The following CRPPA variants were observed in gnomAD, a reference collection of about 807,000 sequenced individuals.
The protein encoded by CRPPA is D-ribitol-5-phosphate cytidylyltransferase.
Under a neutral mutation model 52.0 loss-of-function variants are expected in CRPPA, and 43 were observed. The observed-to-expected ratio is 0.83, with a 90% CI of 0.65 to 1.07. CRPPA has a LOEUF of 1.07. CRPPA is among the 50% of genes least tolerant of loss of function. The pLI is 0.00. For missense variants in CRPPA, 629 were observed against 551.7 expected, an observed-to-expected ratio of 1.14 and a Z score of -1.40; for synonymous variants, 250 against 203.5, an observed-to-expected ratio of 1.23 and a Z score of -1.94.
At chr7:16,252,568 T>G (rs1783489083) in intron 8 of CRPPA, among the ~76,000 whole-genome samples, 1 of 152,146 alleles carries the variant, frequency 6.6e-6, no homozygotes, top group South Asian at 2.1e-4. Flanking sequence ...AAATTTCTCT[T>G]TTTTTGTTGT....
chr7:16,370,822 G>A (rs543762154), intron 3 of CRPPA, among the ~76,000 whole-genome samples: 8 of 152,240 alleles, frequency 5.3e-5, no homozygotes, highest in African/African-American at 1.9e-4. Context: ...CACAGCTGAG[G>A]CTTCTCCCAC....
chr7:16,128,145 A>T (rs1023271907), intron 9 of CRPPA, among the ~76,000 whole-genome samples: 9 of 152,116 alleles, frequency 5.9e-5, no homozygotes, highest in African/African-American at 2.2e-4. Context: ...GAGGGAGAAC[A>T]CCAGGAAGAA....
chr7:16,154,433 C>T (rs987819726), intron 9 of CRPPA, among the ~76,000 whole-genome samples: 11 of 152,026 alleles, frequency 7.2e-5, no homozygotes, highest in Admixed American at 4.6e-4. Context: ...TTATGAGGAA[C>T]ACTGGGTACA....
At chr7:16,179,849 T>C (rs931990821) in intron 9 of CRPPA, among the ~76,000 whole-genome samples, 1 of 152,238 alleles carries the variant, frequency 6.6e-6, no homozygotes, top group Admixed American at 6.5e-5. Flanking sequence ...CAAACCATGA[T>C]GTTCATTTAT....
At chr7:16,374,192 G>T (rs1353712909) in intron 3 of CRPPA, among the ~76,000 whole-genome samples, 1 of 152,102 alleles carries the variant, frequency 6.6e-6, no homozygotes, top group Admixed American at 6.5e-5. Flanking sequence ...TCAATTGGTT[G>T]CCAGCACAGC....
chr7:16,343,801 T>C (rs569627864), intron 3 of CRPPA, among the ~76,000 whole-genome samples: 17 of 152,180 alleles, frequency 1.1e-4, no homozygotes, highest in Non-Finnish European at 2.1e-4. Flanking sequence ...GAAAGCCATA[T>C]GCTCTCACCT....
chr7:16,315,316 T>A (rs1255893461), intron 3 of CRPPA, among the ~76,000 whole-genome samples: 2 of 152,180 alleles, frequency 1.3e-5, no homozygotes, highest in African/African-American at 4.8e-5. Context: ...ATCATAGTTG[T>A]TTTAAATTCC....
chr7:16,398,384 CAT>C (rs10618336), intron 2 of CRPPA, among the ~76,000 whole-genome samples: 72,688 of 151,754 alleles, frequency 0.48, 18,451 homozygotes, highest in African/African-American at 0.64. Flanking sequence ...GCATGATTGA[CAT>C]GTGACTGACA....
chr7:16,113,273 T>G (rs1023075160), intron 9 of CRPPA, among the ~76,000 whole-genome samples: 2 of 151,908 alleles, frequency 1.3e-5, no homozygotes, highest in African/African-American at 4.8e-5. Context: ...AGGAAATTAC[T>G]CAGAATATAT....
At chr7:16,280,100 C>T (rs1784290068) in intron 5 of CRPPA, among the ~76,000 whole-genome samples, 1 of 152,120 alleles carries the variant, frequency 6.6e-6, no homozygotes, top group South Asian at 2.1e-4. Flanking sequence ...AAAGACCTGC[C>T]CCCATGATTC....
chr7:16,394,750 T>C (rs1482848933), intron 2 of CRPPA, among the ~76,000 whole-genome samples: 2 of 152,034 alleles, frequency 1.3e-5, no homozygotes, highest in Non-Finnish European at 1.5e-5. Flanking sequence ...GAATATCAGA[T>C]GGGAAAGTTG....
intron 9 of CRPPA, among the ~76,000 whole-genome samples, chr7:16,123,708 G>A (rs566369527): frequency 1.3e-5 from 2 of 152,166 alleles, no homozygotes; most frequent in Admixed American, 6.5e-5. Flanking sequence ...TCCGTGAGTC[G>A]AGGATTTAAG....
intron 3 of CRPPA, among the ~76,000 whole-genome samples, chr7:16,350,258 C>T (rs1168757951): frequency 6.6e-6 from 1 of 152,090 alleles, no homozygotes; most frequent in African/African-American, 2.4e-5. Flanking sequence ...GGGAGTTCCT[C>T]AGCTTAGGGA....
chr7:16,210,756 G>A (rs1394202377), intron 9 of CRPPA, among the ~76,000 whole-genome samples: 3 of 151,844 alleles, frequency 2.0e-5, no homozygotes, highest in Non-Finnish European at 4.4e-5. Flanking sequence ...AAAGAAATTC[G>A]CTCATTAAAA....
At chr7:16,274,264 G>T (rs759065003) in intron 6 of CRPPA, among the ~76,000 whole-genome samples, 12 of 152,100 alleles carry the variant, frequency 7.9e-5, no homozygotes, top group African/African-American at 2.9e-4. Context: ...TAGCCAGGAT[G>T]GTCTCGATCT....
intron 3 of CRPPA, among the ~76,000 whole-genome samples, chr7:16,342,220 A>G (rs1785864865): frequency 6.6e-6 from 1 of 152,178 alleles, no homozygotes; most frequent in Non-Finnish European, 1.5e-5. Flanking sequence ...GTATGCTTCA[A>G]TTTATTTCAA....
At chr7:16,145,840 G>A (rs776538187) in intron 9 of CRPPA, among the ~76,000 whole-genome samples, 18 of 152,010 alleles carry the variant, frequency 1.2e-4, no homozygotes, top group Non-Finnish European at 2.1e-4. Flanking sequence ...ATCAAATTAA[G>A]CAGCATATTC....
intron 3 of CRPPA, among the ~76,000 whole-genome samples, chr7:16,373,556 T>G (rs1222294736): frequency 6.6e-6 from 1 of 152,162 alleles, no homozygotes; most frequent in Non-Finnish European, 1.5e-5. Flanking sequence ...AAGTAATTAT[T>G]CAATTGTAAG....
chr7:16,294,877 T>C (rs1784639389), intron 5 of CRPPA, among the ~76,000 whole-genome samples: 2 of 152,130 alleles, frequency 1.3e-5, no homozygotes, highest in East Asian at 1.9e-4. Flanking sequence ...TGATTTAAAG[T>C]TCCTCATCTT....
Sources: gnomAD v4.1 joint callset for allele counts (sites outside exome capture counted in the v4.1 genomes callset) on GRCh38, gnomAD v4.1.1 for gene constraint, MANE v1.5 for transcripts, NCBI Gene and HGNC (gene_info 2026-07-23, HGNC 2026-07-21) for gene names.